CDH4: variants seen among roughly 807,000 people sequenced by gnomAD.
The protein encoded by CDH4 is cadherin 4, also known as cadherin-4.
CDH4 carries 33 observed loss-of-function variants against 86.0 expected under a neutral mutation model. That is an observed-to-expected ratio of 0.38 (90% CI 0.29 to 0.51). CDH4 has a LOEUF of 0.51. Among genes scored for constraint, CDH4 ranks in the 20% least tolerant of loss-of-function variants. CDH4 has a pLI of 0.86. For missense variants in CDH4, 1,114 were observed against 1,307.4 expected, an observed-to-expected ratio of 0.85 and a Z score of 2.28; for synonymous variants, 555 against 549.4, an observed-to-expected ratio of 1.01 and a Z score of -0.14.
chr20:61,630,051 G>A (rs2086870232), intron 2 of CDH4, among the ~76,000 whole-genome samples: 1 of 152,128 alleles, frequency 6.6e-6, no homozygotes, highest in Non-Finnish European at 1.5e-5. Context: ...TGACACCCAG[G>A]GAGCCTGGCA....
chr20:61,826,796 C>T (rs1210193951), intron 4 of CDH4, among the ~76,000 whole-genome samples: 1 of 152,164 alleles, frequency 6.6e-6, no homozygotes, highest in Non-Finnish European at 1.5e-5. Flanking sequence ...ACCTGGTGGC[C>T]TCATGGCCTC....
At chr20:61,770,525 A>T (rs2088761645) in intron 3 of CDH4, among the ~76,000 whole-genome samples, 2 of 152,246 alleles carry the variant, frequency 1.3e-5, no homozygotes. Flanking sequence ...TGGACGCCGC[A>T]TATACGCGTG....
At chr20:61,669,120 A>G (rs1359017531) in intron 2 of CDH4, among the ~76,000 whole-genome samples, 1 of 152,212 alleles carries the variant, frequency 6.6e-6, no homozygotes, top group Non-Finnish European at 1.5e-5. Flanking sequence ...CTCCAGCAGT[A>G]AGTTAAGGAG....
chr20:61,854,864 G>A (rs186111766), intron 6 of CDH4, among the ~76,000 whole-genome samples: 3 of 145,366 alleles, frequency 2.1e-5, no homozygotes, highest in Non-Finnish European at 3.0e-5. Flanking sequence ...AGGGTGAATT[G>A]TGCCCTTAGC....
intron 2 of CDH4, among the ~76,000 whole-genome samples, chr20:61,546,366 G>A (rs554747744): frequency 1.3e-5 from 2 of 151,470 alleles, no homozygotes; most frequent in Non-Finnish European, 3.0e-5. Context: ...ATGCATGTGG[G>A]TGTAGGGGTG....
intron 4 of CDH4, among the ~76,000 whole-genome samples, chr20:61,801,545 G>T (rs952791477): frequency 5.9e-5 from 9 of 152,196 alleles, no homozygotes; most frequent in African/African-American, 9.7e-5. Flanking sequence ...GAACAGCCCC[G>T]TGTAGCCCCA....
rs149595754 is a variant in CDH4, at chr20:61,476,691, G to A, written c.169+221754G>A. Among the ~76,000 whole-genome samples the A allele has an allele frequency of 6.2e-4, 94 of 152,322 alleles. 2 individuals are homozygous for A. In the South Asian group the frequency reaches 7.5e-3, roughly 12 times the overall value. ...TCTGCAATTAAGTGTTAGGCTGGGC[G>A]AGACCAGCCAGTGATTTTCACACTA... On this transcript the variant is annotated intron_variant, in intron 2 of 15. Transcript: ENST00000614565.
chr20:61,577,273 G>A (rs2145714111), intron 2 of CDH4, among the ~76,000 whole-genome samples: 1 of 150,938 alleles, frequency 6.6e-6, no homozygotes, highest in Middle Eastern at 3.4e-3. Context: ...AGGATGTGTG[G>A]ATATTTGTGT....
chr20:61,677,542 A>AT (rs1393916432), intron 2 of CDH4, among the ~76,000 whole-genome samples: 6 of 152,206 alleles, frequency 3.9e-5, no homozygotes, highest in African/African-American at 9.6e-5. Context: ...TACACTTTAG[A>AT]TTTTTTTACT....
intron 4 of CDH4, among the ~76,000 whole-genome samples, chr20:61,832,869 C>G (rs112932755): frequency 1.4e-3 from 210 of 152,126 alleles, no homozygotes; most frequent in African/African-American, 4.8e-3. Flanking sequence ...GTTCTACGAC[C>G]TCTTATTTCT....
intron 2 of CDH4, among the ~76,000 whole-genome samples, chr20:61,331,723 GACAGAAATGAGATGCGAGGCACTGT>G (rs2084581155): frequency 1.1e-4 from 5 of 45,856 alleles, no homozygotes; most frequent in African/African-American, 1.7e-4. Context: ...CCGACCACCT[GACAGAAATGAGATGCGAGGCACTGT>G]CCCCAGGTCC....
intron 2 of CDH4, among the ~76,000 whole-genome samples, chr20:61,641,485 C>A (rs1473488218): frequency 1.3e-5 from 2 of 152,210 alleles, no homozygotes; most frequent in Admixed American, 1.3e-4. Flanking sequence ...TCAGACTTTG[C>A]CACCTCAGTT....
At chr20:61,900,037 GAAGTGACC>G (rs1167723183) in intron 8 of CDH4, among the ~76,000 whole-genome samples, 1 of 152,148 alleles carries the variant, frequency 6.6e-6, no homozygotes, top group Non-Finnish European at 1.5e-5. Context: ...TCCCTCCTCG[GAAGTGACC>G]CTCCTGGCCA....
At chr20:61,763,182 C>T (rs993351577) in intron 3 of CDH4, among the ~76,000 whole-genome samples, 9 of 152,210 alleles carry the variant, frequency 5.9e-5, no homozygotes, top group Non-Finnish European at 1.3e-4. Context: ...GATCTGGTGT[C>T]AGGGAATTTG....
At chr20:61,495,767 G>T (rs537403226) in intron 2 of CDH4, among the ~76,000 whole-genome samples, 42 of 152,106 alleles carry the variant, frequency 2.8e-4, no homozygotes, top group Non-Finnish European at 5.9e-4. Context: ...GCTGGGCATG[G>T]TTGCAAGCAC....
Position 61,929,746 on chromosome 20 carries a change from G to A in CDH4, c.2143G>A (p.Asp715Asn), listed in dbSNP as rs1195519188. The change falls in exon 13 of 16, where the codon GAC (aspartate) becomes AAC (asparagine). Residue 715 changes from aspartate to asparagine, a missense_variant. Physicochemically the swap from Asp to Asn is conservative, Grantham distance 23 (BLOSUM62 1). Around this residue, in one of 3 missense-constraint regions of CDH4, gnomAD observed 705 missense variants for 914.1 expected, o/e 0.77. Coordinates refer to ENST00000614565, the MANE Select transcript of CDH4 (RefSeq NM_001794.5). ...CAAAGTCAAGGTGTGCCCATGTGAT[G>A]ACAACGGGGACTGCACCACCATTGG... ...IIKVKVCPCD[D>N]NGDCTTIGAV... The A allele has an allele frequency of 6.2e-7, 1 of 1,614,078 alleles. No individual in the cohort carries two copies. The highest frequency in any genetic ancestry group is 2.2e-5 in the East Asian group (1 of 44,890).
At chr20:61,715,261 T>C (rs1403009773) in intron 2 of CDH4, among the ~76,000 whole-genome samples, 2 of 152,254 alleles carry the variant, frequency 1.3e-5, no homozygotes, top group Admixed American at 6.5e-5. Flanking sequence ...GATTGTTCCT[T>C]TTTTTCTTGC....
chr20:61,933,174 T>G (rs1293866980), intron 14 of CDH4, 50 bp downstream of exon 14: 1 of 1,589,614 alleles, frequency 6.3e-7, no homozygotes, highest in East Asian at 2.2e-5. Context: ...GGCTCTCACG[T>G]GTACTAGTGT....
intron 2 of CDH4, among the ~76,000 whole-genome samples, chr20:61,273,458 G>A (rs1470460607): frequency 1.2e-4 from 7 of 60,440 alleles, no homozygotes; most frequent in East Asian, 6.2e-4. Flanking sequence ...GTTTGGGGGA[G>A]GACCATGTGC....
Sources: allele counts gnomAD v4.1 joint callset (sites outside exome capture counted in the v4.1 genomes callset), GRCh38; gene constraint gnomAD v4.1.1; regional missense constraint gnomAD v4.1.1; transcripts MANE v1.5; gene names NCBI Gene and HGNC (gene_info 2026-07-23, HGNC 2026-07-21).